Variants in EXD3 observed in about 807,000 individuals in gnomAD.
EXD3 encodes the protein exonuclease mut-7 homolog.
EXD3 carries 92 observed loss-of-function variants against 98.0 expected under a neutral mutation model. The observed-to-expected ratio is 0.94, with a 90% confidence interval of 0.79 to 1.12. The LOEUF (loss-of-function observed/expected upper bound fraction) is 1.12. Ranked by LOEUF, EXD3 falls within the 50% of genes most tolerant of loss-of-function variation. The pLI is 0.00. For synonymous variants in EXD3, 569 were observed against 526.0 expected, an observed-to-expected ratio of 1.08 and a Z score of -1.12; for missense variants, 1,222 against 1,191.6, an observed-to-expected ratio of 1.03 and a Z score of -0.38.
chr9:137,374,607 C>A, intron 3 of EXD3: 1 of 985,510 alleles, frequency 1.0e-6, no homozygotes, highest in Non-Finnish European at 1.2e-6. Context: ...GTGGAGCACA[C>A]GCACATGAGT....
intron 3 of EXD3, among the ~76,000 whole-genome samples, chr9:137,377,936 G>C (rs2131701104): frequency 1.3e-5 from 2 of 151,294 alleles, no homozygotes; most frequent in Admixed American, 1.3e-4. Context: ...TGGGATTACA[G>C]GTGCAGGCCA....
chr9:137,369,159 G>T (rs1835453084), intron 5 of EXD3, among the ~76,000 whole-genome samples: 1 of 148,306 alleles, frequency 6.7e-6, no homozygotes, highest in African/African-American at 2.5e-5. Context: ...CGGGGCCTCA[G>T]GGCCGTGGGA....
intron 7 of EXD3, among the ~76,000 whole-genome samples, chr9:137,356,780 G>C (rs768783087): frequency 9.2e-5 from 14 of 152,156 alleles, no homozygotes; most frequent in Non-Finnish European, 1.6e-4. Flanking sequence ...TGCTTATCTG[G>C]CTCTGTTGTT....
chr9:137,351,100 C>A lies in EXD3; in HGVS notation c.1432G>T (p.Ala478Ser), dbSNP rs377594822. ...ATCTGCTTCTCCACATGGGCCAGGGCGGGGCAGGACGTGCCCAGTTTTTGC... is the reference window on the plus strand; with the variant it reads ...ATCTGCTTCTCCACATGGGCCAGGGAGGGGCAGGACGTGCCCAGTTTTTGC... ...DLQKLGTSCPALAHVEKQILG... is the reference protein window; with the variant it reads ...DLQKLGTSCPSLAHVEKQILG... Residue 478 changes from alanine (A) to serine (S), a missense_variant, in exon 14 of 22, where the codon GCC (alanine) becomes TCC (serine). Ala to Ser is a moderately conservative substitution (Grantham distance 99, BLOSUM62 1). Coordinates refer to ENST00000340951, the MANE Select transcript of EXD3 (RefSeq NM_017820.5). 6 of 1,583,866 alleles carry A rather than the reference C, an allele frequency of 3.8e-6. No homozygotes were observed. Among genetic ancestry groups the A allele is most frequent in the Middle Eastern group, 1.7e-4 (1 of 6,026 alleles).
At chr9:137,317,404 G>A (rs1358068732) in intron 19 of EXD3, among the ~76,000 whole-genome samples, 2 of 152,108 alleles carry the variant, frequency 1.3e-5, no homozygotes, top group South Asian at 2.1e-4. Context: ...GCCAGGCCCC[G>A]GGGCCACCTG....
At chr9:137,418,337 C>T (rs990351905) in intron 1 of EXD3, among the ~76,000 whole-genome samples, 3 of 152,170 alleles carry the variant, frequency 2.0e-5, no homozygotes, top group Non-Finnish European at 4.4e-5. Flanking sequence ...GCGACAAGAG[C>T]GAGACTCTGT....
Position 137,308,782 on chromosome 9 carries a change from G to A in EXD3, c.2278+825C>T, listed in dbSNP as rs189156554. Among the ~76,000 whole-genome samples, 502 of 152,020 alleles carry A rather than the reference G, an allele frequency of 3.3e-3. 2 individuals are homozygous for A. Among genetic ancestry groups the A allele is most frequent in the African/African-American group, 0.011 (476 of 41,462 alleles). ...CTCCCAAGTAGCTGGGACCACAGGC[G>A]TGTGCCACCACACCCGGCTAATTTT... On this transcript the variant is annotated intron_variant, in intron 20 of 21. Coordinates refer to ENST00000340951, the MANE Select transcript of EXD3 (RefSeq NM_017820.5).
rs751921821 is a variant in EXD3, at chr9:137,373,016, G to A, written c.351C>T (p.Ser117=). The change falls in exon 5 of 22, where the codon AGC becomes AGT. Residue 117 remains serine, a synonymous_variant. Transcript: ENST00000340951. ...CCAGTGGTGCCGCAAGGCTGGGGGGGCTCTCAGTGAGGACTTTGACCGCTC... is the reference window on the plus strand; with the variant it reads ...CCAGTGGTGCCGCAAGGCTGGGGGGACTCTCAGTGAGGACTTTGACCGCTC... ...QARAVKVLTE[S]PPSLAAPLAS... is the part of the protein sequence containing the mutation. The A allele has an allele frequency of 3.7e-6, 6 of 1,604,758 alleles. No homozygotes were observed. The highest frequency in any genetic ancestry group is 3.3e-5 in the South Asian group (3 of 90,834).
Position 137,351,531 on chromosome 9 carries a change from G to C in EXD3, c.1174-3C>G. 6.3e-7 allele frequency: 1 copy of C among 1,579,922 alleles called. No homozygotes were observed. The highest frequency in any genetic ancestry group is 8.6e-7 in the Non-Finnish European group (1 of 1,164,430). On this transcript the variant is annotated splice_polypyrimidine_tract_variant and splice_region_variant and intron_variant, in intron 12 of 21. Coordinates refer to ENST00000340951, the MANE Select transcript of EXD3 (RefSeq NM_017820.5). The stretch of plus-strand genomic sequence containing the variant: ...TCTACACCAACCACTTGGTGGCACT[G>C]CGGGCAGAGAGGGGCAGATGTGATC...
intron 6 of EXD3, 34 bp from the exon 7 acceptor site, chr9:137,366,666 C>T (rs780618694): frequency 1.6e-5 from 25 of 1,536,670 alleles, no homozygotes; most frequent in African/African-American, 1.4e-4. Flanking sequence ...CCACAGCCTC[C>T]GCCACCTCAG....
intron 17 of EXD3, among the ~76,000 whole-genome samples, chr9:137,334,505 T>C (rs1349188652): frequency 6.6e-6 from 1 of 152,030 alleles, no homozygotes; most frequent in Non-Finnish European, 1.5e-5. Flanking sequence ...ATCTAGTAAG[T>C]GGTGCTGGGA....
rs1314085699 is a variant in EXD3 at position 137,401,214 on chromosome 9, C to T, written c.-47-5810G>A. ...TGTTGCCCAGGCTGGAGTGCAGTGG[C>T]GCGATCTCAGCTCACTGCAAGCTCC... On this transcript the variant is annotated intron_variant, in intron 1 of 21. Transcript: ENST00000340951. 1.5e-4 allele frequency among the ~76,000 whole-genome samples: 21 copies of T among 139,140 alleles called. 1 individual carries two copies. The highest frequency in any genetic ancestry group is 6.7e-4 in the East Asian group (3 of 4,452). The allele number at this position is 139,140 out of a possible 152,430, so 91.3% of individuals were successfully genotyped here. A position where few individuals can be genotyped will look rare whatever the true frequency, so the allele number is the denominator to read the frequency against.
At chr9:137,314,751 G>A (rs746605440) in intron 19 of EXD3, among the ~76,000 whole-genome samples, 5 of 152,160 alleles carry the variant, frequency 3.3e-5, no homozygotes, top group Non-Finnish European at 7.3e-5. Flanking sequence ...CAGCGTCGGC[G>A]GCGAGAAGGT....
At chr9:137,369,032 C>T (rs1835439629) in intron 5 of EXD3, among the ~76,000 whole-genome samples, 1 of 133,484 alleles carries the variant, frequency 7.5e-6, no homozygotes, top group South Asian at 2.5e-4. Context: ...TGGGGAGGGG[C>T]GCAGGGTCAG....
At chr9:137,311,552 A>G (rs1831362217) in intron 19 of EXD3, among the ~76,000 whole-genome samples, 1 of 152,184 alleles carries the variant, frequency 6.6e-6, no homozygotes, top group Non-Finnish European at 1.5e-5. Context: ...GGGCGGGGCC[A>G]GCCAGCTCGT....
chr9:137,420,155 G>A (rs957372601), intron 1 of EXD3, among the ~76,000 whole-genome samples: 5 of 150,810 alleles, frequency 3.3e-5, no homozygotes, highest in South Asian at 2.1e-4. Context: ...GGGAGACTCC[G>A]CCTAAAAAAA....
At position 137,352,112 on chromosome 9, in the gene EXD3, A is replaced by G. The variant is rs1834338766; in HGVS notation, c.1127T>C (p.Leu376Pro). ...TCTGGTCAGGTCTTCCCACGAGGCC[A>G]GGAGGTGGACGTTCTCCCTGGGGAT... ...LPIPRENVHL[L>P]ASWEDLTRHE... Residue 376 changes from leucine (L) to proline (P), a missense_variant, in exon 12 of 22, where the codon CTG (leucine) becomes CCG (proline). Physicochemically the swap from Leu to Pro is moderately conservative, Grantham distance 98 (BLOSUM62 -3). Coordinates refer to ENST00000340951, the MANE Select transcript of EXD3 (RefSeq NM_017820.5). 1.2e-6 allele frequency: 2 copies of G among 1,612,748 alleles called. No homozygotes were observed. Among genetic ancestry groups the G allele is most frequent in the African/African-American group, 1.3e-5 (1 of 75,056 alleles).
At position 137,359,594 on chromosome 9, in the gene EXD3, T is replaced by G. The variant is rs989094977; in HGVS notation, c.657-3226A>C. Among the ~76,000 whole-genome samples, 2 of 85,518 alleles carry G rather than the reference T, an allele frequency of 2.3e-5. 1 individual carries two copies. Among genetic ancestry groups the G allele is most frequent in the Non-Finnish European group, 5.8e-5 (2 of 34,780 alleles). 56.1% of individuals were successfully genotyped at this position (85,518 alleles called of 152,430 possible). ...CACCCCAAAGTTTCTCCCGTGTCCA[T>G]CTCTGTGTATCCCCATCCCACACTT... On this transcript the variant is annotated intron_variant, in intron 7 of 21. Coordinates refer to ENST00000340951, the MANE Select transcript of EXD3 (RefSeq NM_017820.5).
rs148217559 is a variant in EXD3, at chr9:137,314,276, C to T, written c.2185-4576G>A. On this transcript the variant is annotated intron_variant, in intron 19 of 21. Transcript: ENST00000340951. ...CTGGGCTGCCCGCCCCAAAGGTGAC[C>T]CGACACTGTCCCCTGCTGTGGCACT... 1.6e-3 allele frequency among the ~76,000 whole-genome samples: 241 copies of T among 152,298 alleles called. 1 individual carries two copies. Among genetic ancestry groups the T allele is most frequent in the African/African-American group, 5.7e-3 (235 of 41,558 alleles).
Sources: gnomAD v4.1 joint callset for allele counts (sites outside exome capture counted in the v4.1 genomes callset) on GRCh38, gnomAD v4.1.1 for gene constraint, MANE v1.5 for transcripts, NCBI Gene and HGNC (gene_info 2026-07-23, HGNC 2026-07-21) for gene names.